Variants in POSTN observed in about 807,000 individuals in gnomAD.
POSTN encodes osteoblast specific factor 2 (fasciclin I-like).
Under a neutral mutation model 104.5 loss-of-function variants are expected in POSTN, and 71 were observed. The ratio of observed to expected loss-of-function variants is 0.68; its 90% CI spans 0.56 to 0.83. POSTN has a LOEUF of 0.83. POSTN is among the 40% of genes least tolerant of loss of function. POSTN has a pLI of 0.00. For missense variants in POSTN, 949 were observed against 1,006.8 expected, an observed-to-expected ratio of 0.94 and a Z score of 0.78; for synonymous variants, 355 against 340.7, an observed-to-expected ratio of 1.04 and a Z score of -0.46.
rs1035164640 is a variant in POSTN at position 37,579,367 on chromosome 13, A to G, written c.1661-8T>C. ...GAAGAGCATTTTTGTCCCCTAGGGG[A>G]AAATATATGTTTATTTTTATTGAAT... is the stretch of plus-strand genomic sequence containing the variant. On this transcript the variant is annotated splice_region_variant and splice_polypyrimidine_tract_variant and intron_variant, in intron 12 of 22. Transcript: ENST00000379747. 1.1e-5 allele frequency: 17 copies of G among 1,547,804 alleles called. No individual in the cohort carries two copies. The highest frequency in any genetic ancestry group is 2.3e-5 in the South Asian group (2 of 87,398).
In POSTN at chr13:37,574,605, C is replaced by A; in HGVS notation, c.2056G>T (p.Glu686Ter). Residue 686 changes from glutamate (E) to a stop codon, truncating the protein, a stop_gained, in exon 17 of 23, where the codon GAA becomes TAA. Coordinates refer to ENST00000379747, the MANE Select transcript of POSTN (RefSeq NM_006475.3). LOFTEE classifies it high-confidence loss of function. ...TTGATAATAGGCTGAAGACTGCCTT[C>A]AATCACTTTAATTTTTGGTTCCACA... ...KVVEPKIKVI[E>*]GSLQPIIKTE... is the part of the protein sequence containing the mutation. 1.9e-6 allele frequency: 3 copies of A among 1,598,758 alleles called. No individual in the cohort carries two copies. The highest frequency in any genetic ancestry group is 2.6e-6 in the Non-Finnish European group (3 of 1,174,692).
intron 16 of POSTN, 72 bp downstream of exon 16, chr13:37,577,681 A>G (rs1950447986): frequency 1.3e-6 from 2 of 1,561,252 alleles, no homozygotes; most frequent in South Asian, 2.5e-5. Flanking sequence ...ATCTCTGTAA[A>G]TACAAAGAAA....
chr13:37,571,933 A>C (rs2138191826), intron 17 of POSTN, among the ~76,000 whole-genome samples: 1 of 151,708 alleles, frequency 6.6e-6, no homozygotes, highest in South Asian at 2.1e-4. Context: ...TGGGTATAGG[A>C]GTGAACATAA....
Position 37,571,399 on chromosome 13 carries a change from C to A in POSTN, c.2149G>T (p.Gly717Cys), listed in dbSNP as rs752256265. 6.2e-7 allele frequency: 1 copy of A among 1,609,390 alleles called. No homozygotes were observed. The highest frequency in any genetic ancestry group is 8.5e-7 in the Non-Finnish European group (1 of 1,176,586). The change falls in exon 18 of 23, where the codon GGT becomes TGT. Residue 717 changes from glycine (G) to cysteine (C), a missense_variant. Transcript: ENST00000379747. Reference protein sequence around the residue: ...GEPEFRLIKEGETITEVIHGE... With the variant: ...GEPEFRLIKECETITEVIHGE... ...TGGATCACTTCAGTTATTGTTTCAC[C>A]TTCTTTAATCAGTCTGAATTCAGGT...
In POSTN at chr13:37,586,258, A is replaced by G. The variant is rs1419099345; in HGVS notation, c.776T>C (p.Ile259Thr). ...SFRAAAITSDILEALGRDGHF... is the reference protein window; with the variant it reads ...SFRAAAITSDTLEALGRDGHF... ...ACCGTCTCTTCCAAGGGCCTCCAAT[A>G]TGTCCGATGTGATGGCAGCTGCCTG... Residue 259 changes from isoleucine to threonine, a missense_variant, in exon 7 of 23, where the codon ATA becomes ACA. Physicochemically the swap from Ile to Thr is moderately conservative, Grantham distance 89 (BLOSUM62 -1). Coordinates refer to ENST00000379747, the MANE Select transcript of POSTN (RefSeq NM_006475.3). 1 of 1,611,906 alleles carries G rather than the reference A, an allele frequency of 6.2e-7. No homozygotes were observed. Among genetic ancestry groups the G allele is most frequent in the Non-Finnish European group, 8.5e-7 (1 of 1,179,224 alleles).
At chr13:37,574,804 T>C (rs1229025206) in intron 16 of POSTN, 152 bp from the exon 17 acceptor site, 1 of 1,079,506 alleles carries the variant, frequency 9.3e-7, no homozygotes, top group East Asian at 2.9e-5. Context: ...GAAATATTTA[T>C]GGTACATAAT....
intron 16 of POSTN, among the ~76,000 whole-genome samples, chr13:37,575,620 C>A (rs867606450): frequency 6.6e-6 from 1 of 152,062 alleles, no homozygotes; most frequent in Non-Finnish European, 1.5e-5. Context: ...TATTAGATAA[C>A]GGGCCACACT....
chr13:37,589,392 C>A (rs1182357694), intron 4 of POSTN, among the ~76,000 whole-genome samples: 1 of 151,968 alleles, frequency 6.6e-6, no homozygotes. Flanking sequence ...TACATGTGCA[C>A]AACGTGAAGG....
chr13:37,574,703 C>T, intron 16 of POSTN, 51 bp from the exon 17 acceptor site: 2 of 1,458,954 alleles, frequency 1.4e-6, no homozygotes, highest in South Asian at 2.7e-5. Context: ...AAAACCTGAA[C>T]AAAGGTTTTT....
intron 17 of POSTN, among the ~76,000 whole-genome samples, chr13:37,574,032 T>A (rs1950331521): frequency 6.6e-6 from 1 of 151,720 alleles, no homozygotes; most frequent in Non-Finnish European, 1.5e-5. Context: ...ATTCACTGCA[T>A]AAACTACTCA....
chr13:37,587,916 T>C lies in POSTN; in HGVS notation c.512A>G (p.Asn171Ser). Residue 171 changes from asparagine (N) to serine (S), a missense_variant, in exon 5 of 23, where the codon AAT becomes AGT. Transcript: ENST00000379747. ...TAAGTCCTTGGTCAACATTCTCTTATTAATCATGTGACTATGTAAAGCATT... is the reference window on the plus strand; with the variant it reads ...TAAGTCCTTGGTCAACATTCTCTTACTAATCATGTGACTATGTAAAGCATT... ...LLNALHSHMI[N>S]KRMLTKDLKN... The C allele has an allele frequency of 1.9e-6, 3 of 1,599,908 alleles. No individual in the cohort carries two copies. The highest frequency in any genetic ancestry group is 2.6e-6 in the Non-Finnish European group (3 of 1,167,460).
At chr13:37,566,838 A>T (rs190232390) in intron 21 of POSTN, among the ~76,000 whole-genome samples, 1 of 152,266 alleles carries the variant, frequency 6.6e-6, no homozygotes, top group East Asian at 1.9e-4. Flanking sequence ...TTGGAAGTGT[A>T]TCAGTGACAA....
At chr13:37,582,619 A>G in intron 9 of POSTN, 105 bp from the exon 10 acceptor site, 1 of 1,102,540 alleles carries the variant, frequency 9.1e-7, no homozygotes, top group South Asian at 1.7e-5. Flanking sequence ...GACATTATTG[A>G]TATCATGGAT....
intron 16 of POSTN, among the ~76,000 whole-genome samples, chr13:37,574,986 T>C (rs1360706833): frequency 2.6e-5 from 4 of 151,988 alleles, no homozygotes; most frequent in Non-Finnish European, 5.9e-5. Context: ...CTGGCTGCAT[T>C]GCAACAGAAG....
At position 37,564,181 on chromosome 13, in the gene POSTN, C is replaced by CATATAT. The variant is rs71093693; in HGVS notation, c.2473+332_2473+337dup. Among the ~76,000 whole-genome samples, 156 of 49,690 alleles carry CATATAT rather than the reference C, an allele frequency of 3.1e-3. 8 individuals carry two copies. Among genetic ancestry groups the CATATAT allele is most frequent in the South Asian group, 7.2e-3 (7 of 966 alleles). 32.6% of individuals were successfully genotyped at this position (49,690 alleles called of 152,430 possible). On this transcript the variant is annotated intron_variant, in intron 22 of 22. Coordinates refer to ENST00000379747, the MANE Select transcript of POSTN (RefSeq NM_006475.3). The stretch of plus-strand genomic sequence containing the variant: ...GTATACTTGTATATACAAAACATTA[C>CATATAT]ATATATATATATATATATATATATA...
chr13:37,576,321 T>A (rs1013883234), intron 16 of POSTN, among the ~76,000 whole-genome samples: 20 of 152,110 alleles, frequency 1.3e-4, no homozygotes, highest in African/African-American at 4.8e-4. Flanking sequence ...TACTTCTTAA[T>A]AACAGCATAC....
rs769815556 is a variant in POSTN at position 37,587,818 on chromosome 13, T to G, written c.606+4A>C. On this transcript the variant is annotated splice_donor_region_variant and intron_variant, in intron 5 of 22. Transcript: ENST00000379747. ...TAAGTGTACTTTTTACTGATAAAACTTACCCCATTAGGATAATGGTTAATG... is the reference window on the plus strand; with the variant it reads ...TAAGTGTACTTTTTACTGATAAAACGTACCCCATTAGGATAATGGTTAATG... The G allele has an allele frequency of 6.4e-7, 1 of 1,568,676 alleles. No individual in the cohort carries two copies. The highest frequency in any genetic ancestry group is 8.7e-7 in the Non-Finnish European group (1 of 1,147,818).
rs768391810 is a variant in POSTN, at chr13:37,586,868, C to T, written c.667G>A (p.Val223Ile). 6.2e-6 allele frequency: 10 copies of T among 1,612,860 alleles called. No homozygotes were observed. Among genetic ancestry groups the T allele is most frequent in the Non-Finnish European group, 8.5e-6 (10 of 1,179,136 alleles). Residue 223 changes from valine (V) to isoleucine (I), a missense_variant, in exon 6 of 23, where the codon GTC (valine) becomes ATC (isoleucine). Transcript: ENST00000379747. Reference sequence around the variant, plus strand: ...GTAAGCACACGGTCAATGACATGGACAACACCATTTGTTGCAATCTGGTTC... The same window carrying T: ...GTAAGCACACGGTCAATGACATGGATAACACCATTTGTTGCAATCTGGTTC... ...HGNQIATNGV[V>I]HVIDRVLTQI...
chr13:37,580,838 C>T (rs1224647404), intron 10 of POSTN, 141 bp from the exon 11 acceptor site: 1 of 948,444 alleles, frequency 1.1e-6, no homozygotes, highest in Non-Finnish European at 1.6e-6. Context: ...AGCTTCTTTC[C>T]TCTGTTTTCA....
Sources: allele counts gnomAD v4.1 joint callset (sites outside exome capture counted in the v4.1 genomes callset), GRCh38; gene constraint gnomAD v4.1.1; transcripts MANE v1.5; gene names NCBI Gene and HGNC (gene_info 2026-07-23, HGNC 2026-07-21).